Variants in PRKCI observed in about 807,000 individuals in gnomAD.
PRKCI encodes protein kinase C iota type.
PRKCI carries 43 observed loss-of-function variants against 84.0 expected under a neutral mutation model. The observed-to-expected ratio is 0.51, with a 90% confidence interval of 0.40 to 0.66. PRKCI has a LOEUF of 0.66. Ranked by LOEUF, PRKCI falls within the 30% of genes least tolerant of loss-of-function variation. The pLI, the probability that PRKCI is intolerant of heterozygous loss-of-function variation, is 0.00. For synonymous variants in PRKCI, 216 were observed against 234.4 expected (o/e 0.92, Z 0.72); for missense variants, 459 against 745.6 (o/e 0.62, Z 4.48).
Position 170,305,263 on chromosome 3 carries a change from A to T in PRKCI, c.*2136A>T, listed in dbSNP as rs147435942. Reference sequence around the variant, plus strand: ...AAATGCACACTAGTGAGCCCACCTTAGACTTCTTTTGGGGCCTTCGACCTC... The same window carrying T: ...AAATGCACACTAGTGAGCCCACCTTTGACTTCTTTTGGGGCCTTCGACCTC... On this transcript the variant is annotated 3_prime_UTR_variant, in exon 18 of 18. Coordinates refer to ENST00000295797, the MANE Select transcript of PRKCI (RefSeq NM_002740.6). 6.5e-6 allele frequency: 1 copy of T among 152,750 alleles called. No homozygotes were observed. 9.5% of individuals were successfully genotyped at this position (152,750 alleles called of 1,614,324 possible).
intron 4 of PRKCI, among the ~76,000 whole-genome samples, chr3:170,266,619 G>A (rs1560176878): frequency 6.6e-6 from 1 of 151,836 alleles, no homozygotes. Context: ...GTTTTAAAAT[G>A]TTAAGGAGAC....
chr3:170,260,717 C>T (rs1010939275), intron 3 of PRKCI, among the ~76,000 whole-genome samples: 12 of 152,050 alleles, frequency 7.9e-5, no homozygotes, highest in Non-Finnish European at 1.6e-4. Context: ...TCTCCCAAAG[C>T]ACTGAGATTA....
At chr3:170,298,965 CTT>C (rs1391341639) in intron 16 of PRKCI, 28 bp from the exon 17 acceptor site, 3 of 1,449,160 alleles carry the variant, frequency 2.1e-6, no homozygotes, top group Non-Finnish European at 2.9e-6. Context: ...AGAATACAGA[CTT>C]GAGCTGTCAT....
At chr3:170,282,051 A>C in intron 11 of PRKCI, 83 bp downstream of exon 11, 2 of 1,407,044 alleles carry the variant, frequency 1.4e-6, no homozygotes, top group East Asian at 2.4e-5. Context: ...ACAGTAGATA[A>C]ATAATTTATT....
At chr3:170,226,300 A>G (rs544641298) in intron 1 of PRKCI, among the ~76,000 whole-genome samples, 4 of 152,252 alleles carry the variant, frequency 2.6e-5, no homozygotes, top group Admixed American at 6.5e-5. Context: ...TGCCTTTCTC[A>G]TGGCCTGCAC....
chr3:170,293,706 G>A (rs1734625623), intron 14 of PRKCI, among the ~76,000 whole-genome samples, 198 bp downstream of exon 14: 1 of 152,162 alleles, frequency 6.6e-6, no homozygotes, highest in African/African-American at 2.4e-5. Context: ...AGGCTGGAGT[G>A]CAGGGGCGCA....
chr3:170,235,494 T>C, intron 2 of PRKCI, 143 bp downstream of exon 2: 1 of 891,544 alleles, frequency 1.1e-6, no homozygotes, highest in Non-Finnish European at 1.7e-6. Flanking sequence ...TCTTTAAGTA[T>C]TTAAAAGAAT....
chr3:170,241,801 C>T (rs527945272), intron 2 of PRKCI, among the ~76,000 whole-genome samples: 1 of 148,106 alleles, frequency 6.8e-6, no homozygotes, highest in Admixed American at 6.6e-5. Flanking sequence ...CTCTTAGCTA[C>T]AGGTGTGTAC....
intron 12 of PRKCI, among the ~76,000 whole-genome samples, chr3:170,287,344 G>T (rs930736677): frequency 1.9e-4 from 29 of 151,550 alleles, no homozygotes; most frequent in African/African-American, 4.4e-4. Flanking sequence ...TATATAGAGA[G>T]AGAGAGAGTA....
chr3:170,243,783 G>C (rs1187982733), intron 2 of PRKCI, among the ~76,000 whole-genome samples: 1 of 152,202 alleles, frequency 6.6e-6, no homozygotes, highest in Admixed American at 6.5e-5. Flanking sequence ...GAAGATAGCT[G>C]ACTTAGAGAT....
At chr3:170,287,112 A>G (rs1227611990) in intron 12 of PRKCI, among the ~76,000 whole-genome samples, 2 of 152,088 alleles carry the variant, frequency 1.3e-5, no homozygotes, top group African/African-American at 4.8e-5. Context: ...AGGCAGGCAG[A>G]TTGCTGGAGC....
At chr3:170,265,245 G>T (rs907464135) in intron 4 of PRKCI, among the ~76,000 whole-genome samples, 2 of 151,944 alleles carry the variant, frequency 1.3e-5, no homozygotes, top group African/African-American at 2.4e-5. Flanking sequence ...TAAACTCTTG[G>T]ACTGGGGCTG....
At chr3:170,276,802 T>G (rs1433489401) in intron 8 of PRKCI, among the ~76,000 whole-genome samples, 1 of 152,094 alleles carries the variant, frequency 6.6e-6, no homozygotes, top group African/African-American at 2.4e-5. Flanking sequence ...CTAATTAAAC[T>G]ACAGAGCTTC....
chr3:170,240,597 A>G (rs1172233320), intron 2 of PRKCI, among the ~76,000 whole-genome samples: 1 of 152,180 alleles, frequency 6.6e-6, no homozygotes, highest in Non-Finnish European at 1.5e-5. Context: ...ACTTTCAATT[A>G]GTTTTCAGTT....
intron 2 of PRKCI, among the ~76,000 whole-genome samples, chr3:170,248,207 G>A (rs540265888): frequency 1.3e-5 from 2 of 152,150 alleles, no homozygotes; most frequent in Non-Finnish European, 2.9e-5. Context: ...TAAAACAAGA[G>A]TTACATATAT....
chr3:170,282,342 G>A (rs1337231663), intron 11 of PRKCI, among the ~76,000 whole-genome samples: 2 of 152,098 alleles, frequency 1.3e-5, no homozygotes, highest in African/African-American at 4.8e-5. Flanking sequence ...CAGGTTTGTA[G>A]TGGTCTCTCA....
At chr3:170,278,271 T>G (rs1266870025) in intron 8 of PRKCI, among the ~76,000 whole-genome samples, 1 of 152,252 alleles carries the variant, frequency 6.6e-6, no homozygotes, top group Non-Finnish European at 1.5e-5. Context: ...CTTACTTTCT[T>G]ACACTTCTCT....
At chr3:170,275,317 A>T in intron 8 of PRKCI, 30 bp downstream of exon 8, 1 of 1,570,956 alleles carries the variant, frequency 6.4e-7, no homozygotes. Flanking sequence ...TGTACATTAT[A>T]TCATTAGCTT....
At chr3:170,278,932 C>A (rs1209336138) in intron 8 of PRKCI, among the ~76,000 whole-genome samples, 2 of 152,120 alleles carry the variant, frequency 1.3e-5, no homozygotes, top group East Asian at 3.8e-4. Context: ...TCCCTGTGAC[C>A]CAAACACCTC....
Sources: gnomAD v4.1 joint callset for allele counts (sites outside exome capture counted in the v4.1 genomes callset) on GRCh38, gnomAD v4.1.1 for gene constraint, MANE v1.5 for transcripts, NCBI Gene and HGNC (gene_info 2026-07-23, HGNC 2026-07-21) for gene names.